PHACTR4: variants seen among roughly 807,000 people sequenced by gnomAD.
PHACTR4 encodes the protein phosphatase and actin regulator 4, also known as protein phosphatase 1, regulatory subunit 124.
PHACTR4 carries 51 observed loss-of-function variants against 72.7 expected under a neutral mutation model. That is an observed-to-expected ratio of 0.70 (90% CI 0.56 to 0.89). The LOEUF is 0.89. Among genes scored for constraint, PHACTR4 ranks in the 40% least tolerant of loss-of-function variants. The pLI, the probability that PHACTR4 is intolerant of heterozygous loss-of-function variation, is 0.00. For missense variants in PHACTR4, 731 were observed against 861.8 expected, an observed-to-expected ratio of 0.85 and a Z score of 1.90; for synonymous variants, 255 against 302.5, an observed-to-expected ratio of 0.84 and a Z score of 1.63.
intron 2 of PHACTR4, among the ~76,000 whole-genome samples, chr1:28,442,993 C>T (rs1021323916): frequency 1.3e-5 from 2 of 152,094 alleles, no homozygotes; most frequent in African/African-American, 4.8e-5. Flanking sequence ...TATAGTCATT[C>T]TGCAGTGGCA....
chr1:28,489,007 A>G (rs1396734686), intron 9 of PHACTR4, among the ~76,000 whole-genome samples, 163 bp from the exon 10 acceptor site: 3 of 152,212 alleles, frequency 2.0e-5, no homozygotes, highest in African/African-American at 4.8e-5. Context: ...TTTTAATGTG[A>G]AATTGTTTTA....
intron 1 of PHACTR4, among the ~76,000 whole-genome samples, chr1:28,378,912 C>G (rs1651917558): frequency 6.6e-6 from 1 of 152,078 alleles, no homozygotes; most frequent in Non-Finnish European, 1.5e-5. Context: ...TGTTATTACC[C>G]AGGCACTGAT....
At chr1:28,484,581 T>G (rs1660509454) in intron 9 of PHACTR4, among the ~76,000 whole-genome samples, 1 of 151,788 alleles carries the variant, frequency 6.6e-6, no homozygotes, top group Non-Finnish European at 1.5e-5. Flanking sequence ...GTATGTAATA[T>G]ATATGTGTAC....
At chr1:28,493,345 C>T (rs1277349304) in intron 13 of PHACTR4, among the ~76,000 whole-genome samples, 2 of 151,976 alleles carry the variant, frequency 1.3e-5, no homozygotes, top group Non-Finnish European at 2.9e-5. Context: ...TGAGACCAGC[C>T]GGACCAACAT....
rs540563104 is a variant in PHACTR4 at position 28,455,791 on chromosome 1, G to A, written c.17-3294G>A. Among the ~76,000 whole-genome samples, 49 of 152,292 alleles carry A rather than the reference G, an allele frequency of 3.2e-4. No homozygotes were observed. In the South Asian group the frequency reaches 8.9e-3, roughly 28 times the overall value. ...TGTCCTGGAGAGTAGGAAAAAGAGG[G>A]GAAGGAAGGAGGGAGAATATGAGGA... On this transcript the variant is annotated intron_variant, in intron 2 of 13. Coordinates refer to ENST00000373839, the MANE Select transcript of PHACTR4 (RefSeq NM_001048183.3).
intron 9 of PHACTR4, among the ~76,000 whole-genome samples, chr1:28,488,489 T>G (rs1439608990): frequency 6.6e-6 from 1 of 152,118 alleles, no homozygotes; most frequent in African/African-American, 2.4e-5. Flanking sequence ...AGAGCAAGAC[T>G]CCATCTCAAA....
chr1:28,410,400 A>G (rs1173948724), intron 2 of PHACTR4, among the ~76,000 whole-genome samples: 1 of 152,028 alleles, frequency 6.6e-6, no homozygotes, highest in South Asian at 2.1e-4. Flanking sequence ...ATACATGACA[A>G]CTCCGTAGGT....
intron 4 of PHACTR4, among the ~76,000 whole-genome samples, chr1:28,461,172 G>T (rs534467932): frequency 3.3e-5 from 5 of 152,010 alleles, no homozygotes; most frequent in Non-Finnish European, 5.9e-5. Flanking sequence ...AGGCATGGTG[G>T]CTCACGCCTG....
chr1:28,466,119 A>G (rs983863587), intron 5 of PHACTR4, among the ~76,000 whole-genome samples: 1 of 152,080 alleles, frequency 6.6e-6, no homozygotes, highest in African/African-American at 2.4e-5. Context: ...CACTTCTTTC[A>G]CCCAAGGAAT....
intron 2 of PHACTR4, among the ~76,000 whole-genome samples, chr1:28,414,201 C>T (rs993424718): frequency 2.0e-5 from 3 of 151,968 alleles, no homozygotes; most frequent in South Asian, 2.1e-4. Flanking sequence ...CTCAGCCTCC[C>T]GAGTAACTGG....
chr1:28,435,951 T>A (rs1437311614), intron 2 of PHACTR4, among the ~76,000 whole-genome samples: 1 of 152,220 alleles, frequency 6.6e-6, no homozygotes, highest in East Asian at 1.9e-4. Context: ...TTACTTTCTT[T>A]CCTGTTTTAA....
intron 1 of PHACTR4, among the ~76,000 whole-genome samples, chr1:28,395,322 T>A (rs1653410682): frequency 6.6e-6 from 1 of 152,180 alleles, no homozygotes; most frequent in South Asian, 2.1e-4. Flanking sequence ...TTTGTCATGA[T>A]CAGTGATGAT....
intron 2 of PHACTR4, among the ~76,000 whole-genome samples, chr1:28,436,746 C>A (rs924304102): frequency 6.6e-6 from 1 of 152,016 alleles, no homozygotes; most frequent in Non-Finnish European, 1.5e-5. Context: ...AAGCTGTATC[C>A]TTAATATTTA....
intron 2 of PHACTR4, among the ~76,000 whole-genome samples, chr1:28,418,627 TTGAGAAAAA>T (rs1655280825): frequency 6.6e-6 from 1 of 152,124 alleles, no homozygotes; most frequent in African/African-American, 2.4e-5. Flanking sequence ...ATATATTTCT[TTGAGAAAAA>T]TGAGAAAATA....
chr1:28,391,837 C>T (rs996406612), intron 1 of PHACTR4, among the ~76,000 whole-genome samples: 20 of 152,044 alleles, frequency 1.3e-4, no homozygotes, highest in Admixed American at 9.2e-4. Context: ...AAACTCCCAA[C>T]CTCAGGTGAT....
At chr1:28,391,175 G>C (rs551633753) in intron 1 of PHACTR4, among the ~76,000 whole-genome samples, 6 of 146,860 alleles carry the variant, frequency 4.1e-5, no homozygotes, top group African/African-American at 1.0e-4. Flanking sequence ...CGAGGCAGGC[G>C]GATCATGAGG....
At chr1:28,494,263 T>C (rs1287727311) in intron 13 of PHACTR4, 3 of 152,000 alleles carry the variant, frequency 2.0e-5, no homozygotes, top group Non-Finnish European at 4.4e-5. Flanking sequence ...ACACCTGTAA[T>C]CCTAGCACTT....
intron 2 of PHACTR4, among the ~76,000 whole-genome samples, chr1:28,443,947 G>A (rs1657236911): frequency 1.3e-5 from 2 of 151,900 alleles, no homozygotes; most frequent in Admixed American, 6.6e-5. Flanking sequence ...TCCCAGTAAT[G>A]GTATTGCTGG....
intron 2 of PHACTR4, among the ~76,000 whole-genome samples, chr1:28,425,205 A>C (rs1655764270): frequency 6.6e-6 from 1 of 151,362 alleles, no homozygotes; most frequent in Non-Finnish European, 1.5e-5. Context: ...TGCAGCCTCC[A>C]CCTCCCAGGG....
Sources: allele counts gnomAD v4.1 joint callset (sites outside exome capture counted in the v4.1 genomes callset), GRCh38; gene constraint gnomAD v4.1.1; transcripts MANE v1.5; gene names NCBI Gene and HGNC (gene_info 2026-07-23, HGNC 2026-07-21).